Variants in FRYL observed in about 807,000 individuals in gnomAD.
FRYL encodes protein furry homolog-like.
In FRYL, 150 loss-of-function variants were observed where a neutral mutation model predicts 351.2. The observed-to-expected ratio is 0.43, with a 90% CI of 0.37 to 0.49. FRYL has a LOEUF of 0.49. Among genes scored for constraint, FRYL ranks in the 20% least tolerant of loss-of-function variants. The pLI, the probability that FRYL is intolerant of heterozygous loss-of-function variation, is 0.00. For missense variants in FRYL, 3,036 were observed against 3,619.3 expected (o/e 0.84, Z 4.13); for synonymous variants, 1,153 against 1,257.1 (o/e 0.92, Z 1.75).
At chr4:48,508,029 G>A (rs192701925) in intron 59 of FRYL, among the ~76,000 whole-genome samples, 1 of 152,148 alleles carries the variant, frequency 6.6e-6, no homozygotes, top group East Asian at 1.9e-4. Flanking sequence ...AAATTAAATA[G>A]GGCAGACAGT....
chr4:48,758,616 C>T (rs1356116799), intron 1 of FRYL, among the ~76,000 whole-genome samples: 1 of 152,190 alleles, frequency 6.6e-6, no homozygotes, highest in Non-Finnish European at 1.5e-5. Context: ...AATGGGAACA[C>T]TTTTACACTG....
chr4:48,606,710 C>A, intron 9 of FRYL, 104 bp from the exon 10 acceptor site: 1 of 758,492 alleles, frequency 1.3e-6, no homozygotes, highest in East Asian at 2.7e-5. Flanking sequence ...AATATCATCT[C>A]CTTTCTCTAC....
At chr4:48,501,088 A>G (rs1719523533) in intron 62 of FRYL, among the ~76,000 whole-genome samples, 1 of 1,568 alleles carries the variant, frequency 6.4e-4, no homozygotes, top group Non-Finnish European at 3.3e-3. Flanking sequence ...TCTGCCTCAA[A>G]AAAAAAAAAA....
chr4:48,512,862 T>C (rs1247355566), intron 56 of FRYL, among the ~76,000 whole-genome samples, 174 bp from the exon 57 acceptor site: 2 of 152,242 alleles, frequency 1.3e-5, no homozygotes, highest in Non-Finnish European at 2.9e-5. Context: ...AGTGAATTCC[T>C]GTTCTTTCTA....
chr4:48,557,146 TCA>T, intron 34 of FRYL, 28 bp from the exon 35 acceptor site: 1 of 1,561,482 alleles, frequency 6.4e-7, no homozygotes, highest in Non-Finnish European at 8.7e-7. Context: ...AAAAGATACT[TCA>T]GTCATGACTG....
chr4:48,550,810 A>G, intron 37 of FRYL, 106 bp from the exon 38 acceptor site: 2 of 849,462 alleles, frequency 2.4e-6, no homozygotes, highest in Non-Finnish European at 1.9e-6. Context: ...GCCATGGTTC[A>G]AGCCTGTAAT....
intron 1 of FRYL, among the ~76,000 whole-genome samples, chr4:48,739,898 G>A (rs1771855984): frequency 6.6e-6 from 1 of 152,142 alleles, no homozygotes; most frequent in African/African-American, 2.4e-5. Context: ...CAGAACTGGT[G>A]GTTTTGTAAG....
At chr4:48,597,507 G>T (rs958470004) in intron 13 of FRYL, among the ~76,000 whole-genome samples, 13 of 151,846 alleles carry the variant, frequency 8.6e-5, no homozygotes, top group African/African-American at 2.9e-4. Flanking sequence ...TATGAGTGTG[G>T]GTAGGGAAAT....
At chr4:48,541,233 A>G (rs1363927921) in intron 45 of FRYL, among the ~76,000 whole-genome samples, 1 of 152,212 alleles carries the variant, frequency 6.6e-6, no homozygotes, top group African/African-American at 2.4e-5. Flanking sequence ...AACAACGTTC[A>G]GCTCTGAGAT....
chr4:48,637,069 T>C (rs1754379049), intron 3 of FRYL: 1 of 152,024 alleles, frequency 6.6e-6, no homozygotes, highest in Non-Finnish European at 1.5e-5. Context: ...GGGCATATAA[T>C]AAACACACAG....
chr4:48,649,086 C>G (rs544692319), intron 3 of FRYL, among the ~76,000 whole-genome samples: 21 of 152,048 alleles, frequency 1.4e-4, no homozygotes, highest in Admixed American at 2.6e-4. Context: ...TACACAGATA[C>G]GTGTGCAAAG....
chr4:48,743,404 A>G (rs1224946523), intron 1 of FRYL, among the ~76,000 whole-genome samples: 1 of 152,112 alleles, frequency 6.6e-6, no homozygotes, highest in Non-Finnish European at 1.5e-5. Context: ...AAGCTTCCAT[A>G]TAATAATTCA....
At chr4:48,776,137 T>A (rs1775993609) in intron 1 of FRYL, among the ~76,000 whole-genome samples, 1 of 150,072 alleles carries the variant, frequency 6.7e-6, no homozygotes, top group South Asian at 2.1e-4. Flanking sequence ...CAGTGTTATG[T>A]GACACTTTTC....
At chr4:48,586,155 C>T (rs1742057285) in intron 19 of FRYL, among the ~76,000 whole-genome samples, 1 of 151,798 alleles carries the variant, frequency 6.6e-6, no homozygotes, top group Non-Finnish European at 1.5e-5. Flanking sequence ...TATGACATGC[C>T]TAATAGAAGA....
Position 48,527,539 on chromosome 4 carries a change from C to T in FRYL, c.7255G>A (p.Glu2419Lys). 6.2e-7 allele frequency: 1 copy of T among 1,613,038 alleles called. No homozygotes were observed. The highest frequency in any genetic ancestry group is 8.5e-7 in the Non-Finnish European group (1 of 1,179,348). Residue 2419 changes from glutamate to lysine, a missense_variant, in exon 53 of 64, where the codon GAA (glutamate) becomes AAA (lysine). Around this residue, in one of 7 missense-constraint regions of FRYL, gnomAD observed 1,987 missense variants for 2,311.7 expected, o/e 0.86. Transcript: ENST00000358350. ...TCCTTAAAAACACCAAACTGTTGTTCACTGCTATTATCTTCCACAGCTACT... is the reference window on the plus strand; with the variant it reads ...TCCTTAAAAACACCAAACTGTTGTTTACTGCTATTATCTTCCACAGCTACT... ...EEVAVEDNSS[E>K]QQFGVFKDFD...
rs1430178867 is a variant in FRYL at position 48,522,907 on chromosome 4, T to C, written c.7515A>G (p.Thr2505=). ...AGAAAAGTGAATTGTATACCATCTGTGTGCGTGAGAGTATCTGGCTTGCTG... is the reference window on the plus strand; with the variant it reads ...AGAAAAGTGAATTGTATACCATCTGCGTGCGTGAGAGTATCTGGCTTGCTG... The part of the protein sequence containing the change: ...ALTASQILSR[T]QMLNSDSATD... The change falls in exon 54 of 64, where the codon ACA becomes ACG. Residue 2505 remains threonine, a synonymous_variant. Coordinates refer to ENST00000358350, the MANE Select transcript of FRYL (RefSeq NM_015030.2). The C allele has an allele frequency of 1.2e-6, 2 of 1,611,626 alleles. No homozygotes were observed. Among genetic ancestry groups the C allele is most frequent in the African/African-American group, 2.7e-5 (2 of 74,880 alleles).
chr4:48,564,228 T>G, intron 30 of FRYL, 126 bp from the exon 31 acceptor site: 1 of 1,049,292 alleles, frequency 9.5e-7, no homozygotes, highest in South Asian at 2.1e-5. Context: ...TTCCATCTCC[T>G]TTTGTTCACC....
chr4:48,563,384 T>G (rs1578135133), intron 31 of FRYL, among the ~76,000 whole-genome samples: 1 of 151,790 alleles, frequency 6.6e-6, no homozygotes, highest in East Asian at 1.9e-4. Flanking sequence ...CATTTGAGCT[T>G]AAGAAAAGAA....
intron 55 of FRYL, among the ~76,000 whole-genome samples, chr4:48,520,182 G>T (rs1453169661): frequency 6.6e-6 from 1 of 152,166 alleles, no homozygotes; most frequent in African/African-American, 2.4e-5. Context: ...TTGTTGAATT[G>T]AATGATCTAA....
Sources: gnomAD v4.1 joint callset for allele counts (sites outside exome capture counted in the v4.1 genomes callset) on GRCh38, gnomAD v4.1.1 for gene constraint, gnomAD v4.1.1 regional missense constraint, MANE v1.5 for transcripts, NCBI Gene and HGNC (gene_info 2026-07-23, HGNC 2026-07-21) for gene names.